Variants in CREB1 observed in about 807,000 individuals in gnomAD.
The protein encoded by CREB1 is cAMP responsive element binding protein 1.
In CREB1, 2 loss-of-function variants were observed where a neutral mutation model predicts 42.0. That is an observed-to-expected ratio of 0.05 (90% CI 0.02 to 0.15). The LOEUF is 0.15. CREB1 is among the 10% of genes least tolerant of loss of function. The pLI is 1.00. For synonymous variants in CREB1, 123 were observed against 139.9 expected (o/e 0.88, Z 0.85); for missense variants, 199 against 388.9 (o/e 0.51, Z 4.11).
chr2:207,575,104 A>G (rs934282083), intron 5 of CREB1, among the ~76,000 whole-genome samples, 168 bp from the exon 6 acceptor site: 1 of 152,214 alleles, frequency 6.6e-6, no homozygotes, highest in Admixed American at 6.5e-5. Context: ...GAAGTTGAAT[A>G]TGGGTTTCCT....
chr2:207,605,259 C>T lies in CREB1; in HGVS notation c.*8201C>T, dbSNP rs999966835. Among the ~76,000 whole-genome samples the T allele has an allele frequency of 3.3e-5, 5 of 152,162 alleles. No individual in the cohort carries two copies. Among genetic ancestry groups the T allele is most frequent in the African/African-American group, 1.2e-4 (5 of 41,442 alleles). On this transcript the variant is annotated 3_prime_UTR_variant, in exon 8 of 8. Transcript: ENST00000353267. ...TGCCATTTTAAAAATTATAGCCATC[C>T]TCATGGGTGTGGTCTCTCATTGTGG... is the stretch of plus-strand genomic sequence containing the variant.
chr2:207,573,394 G>GA (rs2082448790), intron 5 of CREB1, among the ~76,000 whole-genome samples: 1 of 152,180 alleles, frequency 6.6e-6, no homozygotes, highest in Non-Finnish European at 1.5e-5. Flanking sequence ...TTAGTGGCTA[G>GA]AACCCAGATG....
intron 7 of CREB1, among the ~76,000 whole-genome samples, chr2:207,596,387 G>A (rs2086164250): frequency 6.6e-6 from 1 of 152,202 alleles, no homozygotes; most frequent in African/African-American, 2.4e-5. Context: ...ATAGTAAGAT[G>A]TAATTTTTAA....
chr2:207,583,665 G>A (rs751137053), intron 7 of CREB1, among the ~76,000 whole-genome samples: 1 of 152,072 alleles, frequency 6.6e-6, no homozygotes, highest in Non-Finnish European at 1.5e-5. Flanking sequence ...ACATCCCTAA[G>A]TTTTTATCCT....
intron 7 of CREB1, among the ~76,000 whole-genome samples, chr2:207,586,672 T>C (rs1459207387): frequency 6.6e-6 from 1 of 152,192 alleles, no homozygotes; most frequent in African/African-American, 2.4e-5. Context: ...AAGGGACTGA[T>C]AACCAGGATA....
At chr2:207,560,701 A>G (rs1020542374) in intron 3 of CREB1, among the ~76,000 whole-genome samples, 1 of 152,252 alleles carries the variant, frequency 6.6e-6, no homozygotes, top group African/African-American at 2.4e-5. Flanking sequence ...ATGCAAAAAT[A>G]GTAACTAATT....
In CREB1 at chr2:207,544,015, G is replaced by A. The variant is rs193259779; in HGVS notation, c.-8-11613G>A. On this transcript the variant is annotated intron_variant, in intron 1 of 7. Transcript: ENST00000353267. ...GCTCACTGCAAGCTCTGCCTCCTGG[G>A]TTCATGCCATTCTCCTGCTTCAGCC... is the stretch of plus-strand genomic sequence containing the variant. Among the ~76,000 whole-genome samples, 451 of 152,240 alleles carry A rather than the reference G, an allele frequency of 3.0e-3. 3 individuals carry two copies. The highest frequency in any genetic ancestry group is 9.8e-3 in the African/African-American group (408 of 41,538).
intron 7 of CREB1, among the ~76,000 whole-genome samples, chr2:207,579,926 T>TTA (rs940714015): frequency 6.6e-6 from 1 of 152,222 alleles, no homozygotes; most frequent in African/African-American, 2.4e-5. Context: ...CTTCCTTGGC[T>TTA]TACTTCACCT....
At chr2:207,545,491 G>A (rs1396307210) in intron 1 of CREB1, among the ~76,000 whole-genome samples, 1 of 152,132 alleles carries the variant, frequency 6.6e-6, no homozygotes. Flanking sequence ...ACAGACGTGA[G>A]CCACTCCGCC....
intron 3 of CREB1, among the ~76,000 whole-genome samples, chr2:207,561,877 C>T (rs1023006509): frequency 6.6e-6 from 1 of 152,064 alleles, no homozygotes; most frequent in Non-Finnish European, 1.5e-5. Flanking sequence ...TTCTATTAAC[C>T]ACCTCTACTT....
chr2:207,560,596 GAATT>G (rs1321922626), intron 3 of CREB1, among the ~76,000 whole-genome samples: 2 of 152,142 alleles, frequency 1.3e-5, no homozygotes, highest in African/African-American at 4.8e-5. Context: ...AGAGGAAAAA[GAATT>G]GATTGGGGAA....
At chr2:207,565,994 G>T (rs950499250) in intron 3 of CREB1, among the ~76,000 whole-genome samples, 1 of 152,100 alleles carries the variant, frequency 6.6e-6, no homozygotes, top group Non-Finnish European at 1.5e-5. Flanking sequence ...TTATTATTCT[G>T]CTGAGAATCA....
chr2:207,555,647 A>G lies in CREB1; in HGVS notation c.12A>G (p.Glu4=). Residue 4 remains glutamate (E), a synonymous_variant, in exon 2 of 8, where the codon GAA becomes GAG. Transcript: ENST00000353267. The stretch of plus-strand genomic sequence containing the variant: ...TTATAGGTAACTAAATGACCATGGA[A>G]TCTGGAGCCGAGAACCAGCAGAGTG... MTM[E]SGAENQQSGD... 6.2e-7 allele frequency: 1 copy of G among 1,611,084 alleles called. No homozygotes were observed. Among genetic ancestry groups the G allele is most frequent in the Non-Finnish European group, 8.5e-7 (1 of 1,177,594 alleles).
rs1160394141 is a variant in CREB1 at position 207,605,243 on chromosome 2, A to G, written c.*8185A>G. On this transcript the variant is annotated 3_prime_UTR_variant, in exon 8 of 8. Coordinates refer to ENST00000353267, the MANE Select transcript of CREB1 (RefSeq NM_004379.5). Reference sequence around the variant, plus strand: ...TCACCAACACTTATTTTGCCATTTTAAAAATTATAGCCATCCTCATGGGTG... The same window carrying G: ...TCACCAACACTTATTTTGCCATTTTGAAAATTATAGCCATCCTCATGGGTG... Among the ~76,000 whole-genome samples, 1 of 152,158 alleles carries G rather than the reference A, an allele frequency of 6.6e-6. No individual in the cohort carries two copies. The highest frequency in any genetic ancestry group is 1.5e-5 in the Non-Finnish European group (1 of 68,010).
At chr2:207,543,483 T>G (rs960651609) in intron 1 of CREB1, among the ~76,000 whole-genome samples, 1 of 152,186 alleles carries the variant, frequency 6.6e-6, no homozygotes. Context: ...GTGGAGAATT[T>G]AAGTGATGTG....
Position 207,597,383 on chromosome 2 carries a change from T to C in CREB1, c.*325T>C. The C allele has an allele frequency of 3.6e-6, 1 of 278,742 alleles. No homozygotes were observed. The highest frequency in any genetic ancestry group is 6.7e-6 in the Non-Finnish European group (1 of 149,900). The allele number at this position is 278,742 out of a possible 1,614,324, so 17.3% of individuals were successfully genotyped here. ...AGAAATGAGGAAAAGAAAATCTTTT[T>C]AAAAATGATTTCAAGGTTTGTGCTG... On this transcript the variant is annotated 3_prime_UTR_variant, in exon 8 of 8. Coordinates refer to ENST00000353267, the MANE Select transcript of CREB1 (RefSeq NM_004379.5).
intron 5 of CREB1, among the ~76,000 whole-genome samples, chr2:207,574,598 G>A (rs2082500959): frequency 6.6e-6 from 1 of 152,114 alleles, no homozygotes; most frequent in Non-Finnish European, 1.5e-5. Context: ...GAGAATGCTT[G>A]GATATGTATT....
At chr2:207,553,983 C>T (rs2106445324) in intron 1 of CREB1, among the ~76,000 whole-genome samples, 1 of 152,054 alleles carries the variant, frequency 6.6e-6, no homozygotes, top group Admixed American at 6.5e-5. Flanking sequence ...TTCATGGTTA[C>T]AATTTTGTAA....
At chr2:207,534,260 G>A (rs897070568) in intron 1 of CREB1, among the ~76,000 whole-genome samples, 11 of 152,062 alleles carry the variant, frequency 7.2e-5, no homozygotes, top group East Asian at 3.9e-4. Context: ...TTTTTGAGAC[G>A]GAGTCTTGCT....
Sources: gnomAD v4.1 joint callset for allele counts (sites outside exome capture counted in the v4.1 genomes callset) on GRCh38, gnomAD v4.1.1 for gene constraint, MANE v1.5 for transcripts, NCBI Gene and HGNC (gene_info 2026-07-23, HGNC 2026-07-21) for gene names.